The following BRINP2 variants were observed in gnomAD, a reference collection of about 807,000 sequenced individuals.
BRINP2 encodes the protein BMP/retinoic acid-inducible neural-specific protein 2.
BRINP2 carries 21 observed loss-of-function variants against 69.2 expected under a neutral mutation model. The ratio of observed to expected loss-of-function variants is 0.30; its 90% CI spans 0.22 to 0.44. The LOEUF is 0.44. Among genes scored for constraint, BRINP2 ranks in the 20% least tolerant of loss-of-function variants. The pLI, the probability that BRINP2 is intolerant of heterozygous loss-of-function variation, is 1.00. For synonymous variants in BRINP2, 380 were observed against 394.1 expected (o/e 0.96, Z 0.42); for missense variants, 877 against 986.0 (o/e 0.89, Z 1.48).
rs186430025 is a variant in BRINP2 at position 177,253,288 on chromosome 1, C to T, written c.270-2631C>T. 3.7e-4 allele frequency among the ~76,000 whole-genome samples: 57 copies of T among 152,114 alleles called. No homozygotes were observed. The East Asian group carries it at 7.5e-3, about 20-fold the overall frequency. On this transcript the variant is annotated intron_variant, in intron 2 of 7. Transcript: ENST00000361539. Reference sequence around the variant, plus strand: ...CACTGTGCATTTGATTTGTATTTCCCTGATGATTAGCGATGTTGAGCATTT... The same window carrying T: ...CACTGTGCATTTGATTTGTATTTCCTTGATGATTAGCGATGTTGAGCATTT...
At chr1:177,184,027 C>T (rs1297482073) in intron 1 of BRINP2, among the ~76,000 whole-genome samples, 2 of 152,182 alleles carry the variant, frequency 1.3e-5, no homozygotes, top group African/African-American at 4.8e-5. Context: ...ACTTTCAGTT[C>T]CCCATACACA....
At chr1:177,236,360 A>C (rs74634694) in intron 2 of BRINP2, among the ~76,000 whole-genome samples, 6,065 of 152,292 alleles carry the variant, frequency 0.04, 409 homozygotes, top group African/African-American at 0.14. Context: ...CAGCAGACCT[A>C]TATGGAACCC....
chr1:177,263,625 C>T (rs1651027911), intron 4 of BRINP2, among the ~76,000 whole-genome samples: 1 of 152,036 alleles, frequency 6.6e-6, no homozygotes, highest in African/African-American at 2.4e-5. Flanking sequence ...TGGGATTTTG[C>T]TAAGAACTGA....
intron 2 of BRINP2, among the ~76,000 whole-genome samples, chr1:177,253,101 T>C (rs189275856): frequency 3.9e-5 from 6 of 152,284 alleles, no homozygotes; most frequent in Admixed American, 3.3e-4. Flanking sequence ...AGTTCTATTT[T>C]TAGTTTTCTG....
intron 1 of BRINP2, among the ~76,000 whole-genome samples, chr1:177,194,856 C>T (rs72720761): frequency 0.026 from 3,984 of 152,180 alleles, 56 homozygotes; most frequent in African/African-American, 0.046. Context: ...CCCCTTAAGA[C>T]GCTCTGTACT....
chr1:177,235,745 G>A (rs1571920769), intron 2 of BRINP2, among the ~76,000 whole-genome samples: 2 of 152,322 alleles, frequency 1.3e-5, no homozygotes, highest in Non-Finnish European at 2.9e-5. Flanking sequence ...CAGTCTGCCT[G>A]GGTAAATCCC....
At chr1:177,220,282 C>A (rs975919992) in intron 1 of BRINP2, among the ~76,000 whole-genome samples, 1 of 152,160 alleles carries the variant, frequency 6.6e-6, no homozygotes, top group Non-Finnish European at 1.5e-5. Context: ...ACCCAAATCT[C>A]ATGTTGAAAT....
intron 1 of BRINP2, among the ~76,000 whole-genome samples, chr1:177,175,857 T>C (rs1156600569): frequency 6.6e-6 from 1 of 152,210 alleles, no homozygotes; most frequent in Non-Finnish European, 1.5e-5. Flanking sequence ...CTTTTCTCTT[T>C]ACTATTCAGA....
intron 2 of BRINP2, among the ~76,000 whole-genome samples, chr1:177,234,401 C>G (rs1649953601): frequency 6.6e-6 from 1 of 152,210 alleles, no homozygotes; most frequent in Non-Finnish European, 1.5e-5. Flanking sequence ...ACTCAGGCAC[C>G]TAAATTGAGC....
At chr1:177,194,655 G>A (rs1023871052) in intron 1 of BRINP2, among the ~76,000 whole-genome samples, 3 of 151,922 alleles carry the variant, frequency 2.0e-5, no homozygotes, top group Non-Finnish European at 4.4e-5. Context: ...TCCCTCTCCT[G>A]AACAGCTTCC....
At position 177,276,496 on chromosome 1, in the gene BRINP2, T is replaced by C. The variant is rs199505345; in HGVS notation, c.1012+62T>C. 4.8e-6 allele frequency: 7 copies of C among 1,472,530 alleles called. No homozygotes were observed. In the African/African-American group the frequency reaches 9.8e-5, roughly 21 times the overall value. 91.2% of individuals were successfully genotyped at this position (1,472,530 alleles called of 1,614,324 possible). A position where few individuals can be genotyped will look rare whatever the true frequency, so the allele number is the denominator to read the frequency against. ...GGCTGTGAGGTACAGAGCAAGAACA[T>C]GGGGAGAACAAAACTTGAGAGTTGA... On this transcript the variant is annotated intron_variant, in intron 6 of 7. Transcript: ENST00000361539.
chr1:177,190,171 C>G (rs759865079), intron 1 of BRINP2, among the ~76,000 whole-genome samples: 14 of 152,174 alleles, frequency 9.2e-5, no homozygotes, highest in Non-Finnish European at 1.8e-4. Flanking sequence ...ATATGAGTCC[C>G]TAACTCATAC....
intron 7 of BRINP2, 132 bp from the exon 8 acceptor site, chr1:177,280,280 C>T: frequency 1.0e-6 from 1 of 967,218 alleles, no homozygotes; most frequent in Non-Finnish European, 1.6e-6. Context: ...GTTTCTGCCA[C>T]TCAGAGATCT....
In BRINP2 at chr1:177,214,037, TG is replaced by T. The variant is rs532496138; in HGVS notation, c.-76-15757del. 5.2e-3 allele frequency among the ~76,000 whole-genome samples: 795 copies of T among 152,228 alleles called. 8 individuals carry two copies. The highest frequency in any genetic ancestry group is 0.017 in the African/African-American group (726 of 41,522). ...CTTTAGAATTACTCAAGTTCTTCTA[TG>T]GGGGGGCTCTTAATTTTGCACAAGG... On this transcript the variant is annotated intron_variant, in intron 1 of 7. Coordinates refer to ENST00000361539, the MANE Select transcript of BRINP2 (RefSeq NM_021165.4).
At chr1:177,176,555 T>A (rs1451010555) in intron 1 of BRINP2, among the ~76,000 whole-genome samples, 1 of 144,698 alleles carries the variant, frequency 6.9e-6, no homozygotes, top group Non-Finnish European at 1.5e-5. Context: ...TATTATTATT[T>A]TTGGATAGTG....
intron 4 of BRINP2, among the ~76,000 whole-genome samples, chr1:177,270,544 G>A (rs1215936091): frequency 6.6e-6 from 1 of 151,040 alleles, no homozygotes. Context: ...ATGGGGGAGG[G>A]AGAAGTGGGG....
intron 2 of BRINP2, among the ~76,000 whole-genome samples, chr1:177,243,429 C>T (rs530230816): frequency 6.6e-5 from 10 of 152,234 alleles, no homozygotes. Context: ...AAAGACAAGG[C>T]CTCAAGACCA....
chr1:177,203,751 A>G (rs1208312343), intron 1 of BRINP2, among the ~76,000 whole-genome samples: 1 of 152,182 alleles, frequency 6.6e-6, no homozygotes, highest in Non-Finnish European at 1.5e-5. Flanking sequence ...GACCAAAAGA[A>G]ATAATATGCA....
intron 1 of BRINP2, among the ~76,000 whole-genome samples, chr1:177,199,145 T>C (rs1261886605): frequency 6.6e-6 from 1 of 152,178 alleles, no homozygotes; most frequent in Non-Finnish European, 1.5e-5. Context: ...TTTTAAGATA[T>C]TTCACCTTAT....
Sources: gnomAD v4.1 joint callset for allele counts (sites outside exome capture counted in the v4.1 genomes callset) on GRCh38, gnomAD v4.1.1 for gene constraint, MANE v1.5 for transcripts, NCBI Gene and HGNC (gene_info 2026-07-23, HGNC 2026-07-21) for gene names.